The following MVB12A variants were observed in gnomAD, a reference collection of about 807,000 sequenced individuals.
MVB12A encodes CIN85/CD2AP family binding protein.
MVB12A carries 30 observed loss-of-function variants against 34.3 expected under a neutral mutation model. The observed-to-expected ratio is 0.88, with a 90% CI of 0.65 to 1.19. The LOEUF is 1.19. Among genes scored for constraint, MVB12A ranks in the 50% most tolerant of loss-of-function variants. The pLI is 0.00. For synonymous variants in MVB12A, 158 were observed against 158.9 expected, an observed-to-expected ratio of 0.99 and a Z score of 0.04; for missense variants, 355 against 369.2, an observed-to-expected ratio of 0.96 and a Z score of 0.31.
chr19:17,423,382 T>TC, intron 4 of MVB12A, 116 bp from the exon 5 acceptor site: 2 of 1,189,882 alleles, frequency 1.7e-6, no homozygotes, highest in Non-Finnish European at 1.1e-6. Flanking sequence ...AAAAAAAAAT[T>TC]CCCCCAAAAG....
intron 3 of MVB12A, among the ~76,000 whole-genome samples, chr19:17,421,755 A>G (rs1346034650): frequency 2.0e-5 from 3 of 151,912 alleles, no homozygotes; most frequent in African/African-American, 7.2e-5. Context: ...CAGCCTGGCC[A>G]ACATGGTGAA....
In MVB12A at chr19:17,420,828, A is replaced by G. The variant is rs1038552253; in HGVS notation, c.286+194A>G. ...CCTGTCCTGATTCAAAATGTGTGAT[A>G]TGATTGGCACAGCCTGCATCCTCGA... On this transcript the variant is annotated intron_variant, in intron 3 of 8. Coordinates refer to ENST00000317040, the MANE Select transcript of MVB12A (RefSeq NM_138401.4). 6.2e-6 allele frequency: 4 copies of G among 643,570 alleles called. No homozygotes were observed. In the African/African-American group the frequency reaches 7.2e-5, roughly 12 times the overall value. The allele number at this position is 643,570 out of a possible 1,614,324, so 39.9% of individuals were successfully genotyped here.
intron 2 of MVB12A, among the ~76,000 whole-genome samples, chr19:17,408,042 G>A (rs764476540): frequency 1.3e-5 from 2 of 152,136 alleles, no homozygotes; most frequent in African/African-American, 4.8e-5. Flanking sequence ...TGTATGGCCT[G>A]GTTTTTCCTA....
At chr19:17,410,529 T>TACACACACACAC (rs1185077317) in intron 2 of MVB12A, among the ~76,000 whole-genome samples, 5 of 74,440 alleles carry the variant, frequency 6.7e-5, no homozygotes, top group African/African-American at 3.3e-4. Flanking sequence ...TATATATATA[T>TACACACACACAC]ACACACACAC....
chr19:17,420,021 C>CCACA (rs1555735882), upstream of MVB12A: 5 of 439,832 alleles, frequency 1.1e-5, no homozygotes, highest in Non-Finnish European at 1.7e-5. Flanking sequence ...CTCCGCCCCC[C>CCACA]CCCCCCGCAT....
At chr19:17,424,907 A>C (rs1030103068) in intron 8 of MVB12A, 24 bp from the exon 9 acceptor site, 10 of 1,555,840 alleles carry the variant, frequency 6.4e-6, no homozygotes, top group East Asian at 2.3e-5. Flanking sequence ...GCACCTGTTC[A>C]CTCTCTCTCT....
chr19:17,412,064 G>A (rs2074772540), intron 2 of MVB12A, among the ~76,000 whole-genome samples: 1 of 152,120 alleles, frequency 6.6e-6, no homozygotes, highest in East Asian at 1.9e-4. Context: ...CAGGGATGCT[G>A]CTCAACACTA....
At chr19:17,422,018 G>T in intron 3 of MVB12A, 1 of 223,710 alleles carries the variant, frequency 4.5e-6, no homozygotes, top group Admixed American at 5.5e-5. Context: ...TATAGGATTA[G>T]AGGGCTCATG....
At position 17,420,166 on chromosome 19, in the gene MVB12A, C is replaced by A. The variant is rs982083357; in HGVS notation, c.31C>A (p.Pro11Thr). 1 of 1,396,038 alleles carries A rather than the reference C, an allele frequency of 7.2e-7. No homozygotes were observed. Among genetic ancestry groups the A allele is most frequent in the African/African-American group, 1.5e-5 (1 of 66,006 alleles). 86.5% of individuals were successfully genotyped at this position (1,396,038 alleles called of 1,614,324 possible). Residue 11 changes from proline (P) to threonine (T), a missense_variant, in exon 1 of 9, where the codon CCG (proline) becomes ACG (threonine). By Grantham distance (38) the Pro-to-Thr change is conservative. Coordinates refer to ENST00000317040, the MANE Select transcript of MVB12A (RefSeq NM_138401.4). ...TCCCGTACCCGGGACAGACTCGGCGCCGCTGGCTGGCCTGGCCTGGTCGTC... is the reference window on the plus strand; with the variant it reads ...TCCCGTACCCGGGACAGACTCGGCGACGCTGGCTGGCCTGGCCTGGTCGTC... MDPVPGTDSA[P>T]LAGLAWSSAS...
At position 17,423,493 on chromosome 19, in the gene MVB12A, T is replaced by C. The variant is rs375162997; in HGVS notation, c.414-5T>C. 484 of 1,611,954 alleles carry C rather than the reference T, an allele frequency of 3.0e-4. 1 individual carries two copies. The highest frequency in any genetic ancestry group is 9.8e-4 in the Admixed American group (59 of 59,996). Reference sequence around the variant, plus strand: ...GCATCCCTCCCACCTTCCCTCCTGGTCCAGGGACATGGGCGGCTTTGCCAT... The same window carrying C: ...GCATCCCTCCCACCTTCCCTCCTGGCCCAGGGACATGGGCGGCTTTGCCAT... On this transcript the variant is annotated splice_polypyrimidine_tract_variant and splice_region_variant and intron_variant, in intron 4 of 8. Coordinates refer to ENST00000317040, the MANE Select transcript of MVB12A (RefSeq NM_138401.4).
intron 2 of MVB12A, among the ~76,000 whole-genome samples, chr19:17,406,613 G>A (rs1323640238): frequency 2.6e-5 from 4 of 151,836 alleles, no homozygotes; most frequent in African/African-American, 9.7e-5. Flanking sequence ...CTCCCCCCAG[G>A]CCCTGACTCC....
intron 4 of MVB12A, among the ~76,000 whole-genome samples, chr19:17,423,223 G>A (rs1014460213): frequency 1.3e-5 from 2 of 150,972 alleles, no homozygotes; most frequent in Admixed American, 6.6e-5. Flanking sequence ...AAATTAGCTG[G>A]GCATGGTTGC....
chr19:17,421,946 G>C (rs1474953941), intron 3 of MVB12A: 1 of 154,790 alleles, frequency 6.5e-6, no homozygotes, highest in East Asian at 1.9e-4. Context: ...GTCTCAAAAA[G>C]AAAAGAAAAG....
At chr19:17,417,399 A>C (rs1300018166), upstream of MVB12A, 2 of 154,654 alleles carry the variant, frequency 1.3e-5, no homozygotes, top group Non-Finnish European at 2.9e-5. Flanking sequence ...TGAGGTCAGG[A>C]GTTTGAGGCC....
intron 3 of MVB12A, chr19:17,420,858 A>G (rs2074834486): frequency 3.0e-6 from 2 of 658,602 alleles, no homozygotes; most frequent in South Asian, 1.6e-5. Context: ...CCTCGAGTTA[A>G]GTGTTCAGTC....
At chr19:17,416,823 C>T (rs528804716), upstream of MVB12A, among the ~76,000 whole-genome samples, 22 of 151,006 alleles carry the variant, frequency 1.5e-4, no homozygotes, top group South Asian at 2.5e-3. Flanking sequence ...CCTCAGTGTC[C>T]GGAGTAGCTG....
chr19:17,423,542 C>T lies in MVB12A; in HGVS notation c.458C>T (p.Pro153Leu), dbSNP rs113697726. 1.9e-5 allele frequency: 30 copies of T among 1,613,744 alleles called. No individual in the cohort carries two copies. Among genetic ancestry groups the T allele is most frequent in the South Asian group, 3.3e-5 (3 of 91,070 alleles). Residue 153 changes from proline to leucine, a missense_variant, in exon 5 of 9, where the codon CCG becomes CTG. By Grantham distance (98) the Pro-to-Leu change is moderately conservative. Coordinates refer to ENST00000317040, the MANE Select transcript of MVB12A (RefSeq NM_138401.4). ...FAIWCKKAKA[P>L]RPVPKPRGLS... ...ATCTGGTGCAAGAAGGCCAAGGCCC[C>T]GAGGCCAGTGCCCAAGCCCCGAGGT...
At chr19:17,411,187 C>T (rs533346214) in intron 2 of MVB12A, among the ~76,000 whole-genome samples, 11 of 151,762 alleles carry the variant, frequency 7.2e-5, no homozygotes, top group Admixed American at 2.0e-4. Flanking sequence ...AGGATGGTCT[C>T]GATCTCCTGA....
Position 17,420,453 on chromosome 19 carries a change from C to CT in MVB12A, c.189+43dup, listed in dbSNP as rs2074830986. ...TTCGGAACCACCAGGGTCTGCCCAC[C>CT]TCCCCTGCCCATTCACGGTGCCCTA... On this transcript the variant is annotated intron_variant, in intron 2 of 8. Transcript: ENST00000317040. 2.5e-6 allele frequency: 4 copies of CT among 1,601,504 alleles called. No homozygotes were observed. The East Asian group carries it at 8.9e-5, about 36-fold the overall frequency.
Sources: gnomAD v4.1 joint callset for allele counts (sites outside exome capture counted in the v4.1 genomes callset) on GRCh38, gnomAD v4.1.1 for gene constraint, MANE v1.5 for transcripts, NCBI Gene and HGNC (gene_info 2026-07-23, HGNC 2026-07-21) for gene names.